SLC6A4: variants seen among roughly 807,000 people sequenced by gnomAD.
SLC6A4 encodes solute carrier family 6 member 4, also known as sodium-dependent serotonin transporter.
Under a neutral mutation model 73.4 loss-of-function variants are expected in SLC6A4, and 22 were observed. The observed-to-expected ratio is 0.30, with a 90% CI of 0.21 to 0.43. SLC6A4 has a LOEUF of 0.43. SLC6A4 is among the 20% of genes least tolerant of loss of function. The pLI, the probability that SLC6A4 is intolerant of heterozygous loss-of-function variation, is 1.00. For missense variants in SLC6A4, 593 were observed against 808.5 expected (o/e 0.73, Z 3.23); for synonymous variants, 270 against 315.5 (o/e 0.86, Z 1.53).
At chr17:30,229,350 C>T (rs1399375530) in intron 1 of SLC6A4, among the ~76,000 whole-genome samples, 1 of 152,074 alleles carries the variant, frequency 6.6e-6, no homozygotes, top group Non-Finnish European at 1.5e-5. Context: ...ACATCTGAAA[C>T]GAAAGCTGTA....
chr17:30,219,534 A>G (rs1906682286), intron 3 of SLC6A4, among the ~76,000 whole-genome samples: 1 of 152,204 alleles, frequency 6.6e-6, no homozygotes, highest in Admixed American at 6.5e-5. Context: ...AGTATTATCT[A>G]TGGCTCCAGA....
intron 3 of SLC6A4, 47 bp from the exon 4 acceptor site, chr17:30,218,978 A>G: frequency 6.2e-7 from 1 of 1,609,806 alleles, no homozygotes; most frequent in Admixed American, 1.7e-5. Context: ...CGTCTGTCCC[A>G]GGATAGCCCA....
intron 13 of SLC6A4, among the ~76,000 whole-genome samples, chr17:30,204,160 A>G (rs113342864): frequency 1.3e-5 from 2 of 152,310 alleles, no homozygotes; most frequent in African/African-American, 4.8e-5. Context: ...TCTTATTTCA[A>G]TTTGGTTTCC....
At position 30,209,202 on chromosome 17, in the gene SLC6A4, G is replaced by A. The variant is rs770596399; in HGVS notation, c.1490C>T (p.Thr497Met). Reference sequence around the variant, plus strand: ...CGCGACAGTGAGCACTGCGGGCCCCGTGGCATACTCCTCCAGCAGCTTCAC... The same window carrying A: ...CGCGACAGTGAGCACTGCGGGCCCCATGGCATACTCCTCCAGCAGCTTCAC... ...YVVKLLEEYA[T>M]GPAVLTVALI... Residue 497 changes from threonine (T) to methionine (M), a missense_variant, in exon 12 of 15, where the codon ACG becomes ATG. Coordinates refer to ENST00000650711, the MANE Select transcript of SLC6A4 (RefSeq NM_001045.6). 23 of 1,613,656 alleles carry A rather than the reference G, an allele frequency of 1.4e-5. No homozygotes were observed. Among genetic ancestry groups the A allele is most frequent in the Middle Eastern group, 3.3e-4 (2 of 6,018 alleles).
At chr17:30,229,704 C>T (rs1480740782) in intron 1 of SLC6A4, among the ~76,000 whole-genome samples, 3 of 151,826 alleles carry the variant, frequency 2.0e-5, no homozygotes, top group East Asian at 4.0e-4. Context: ...TGAGCCACTG[C>T]GCCTGGTCCA....
rs534245368 is a variant in SLC6A4, at chr17:30,235,170, G to C, written c.-221+443C>G. ...GCTGTCTGGGCATTTGTGTCAACCA[G>C]AACTCTCCCTTTGCATAAAGCCACC... On this transcript the variant is annotated intron_variant, in intron 1 of 14. Transcript: ENST00000650711. The surrounding 1 kb of genome is among the most constrained non-coding windows in gnomAD (Gnocchi z 4.5). 8.3e-4 allele frequency among the ~76,000 whole-genome samples: 126 copies of C among 152,218 alleles called. No homozygotes were observed. The highest frequency in any genetic ancestry group is 2.7e-3 in the African/African-American group (113 of 41,520).
At position 30,218,289 on chromosome 17, in the gene SLC6A4, T is replaced by C. The variant is rs1157064124; in HGVS notation, c.527A>G (p.Tyr176Cys). Residue 176 changes from tyrosine (Y) to cysteine (C), a missense_variant, in exon 5 of 15, where the codon TAC becomes TGC. By Grantham distance (194) the Tyr-to-Cys change is radical. Coordinates refer to ENST00000650711, the MANE Select transcript of SLC6A4 (RefSeq NM_001045.6). ...TAGCGCCCAGGCCATGATGGTGTTG[T>C]AGTAGGAAGCAATGTAAAAGGCAAT... ...CIIAFYIASYYNTIMAWALYY... is the reference protein window; with the variant it reads ...CIIAFYIASYCNTIMAWALYY... 1.2e-6 allele frequency: 2 copies of C among 1,613,980 alleles called. No individual in the cohort carries two copies. The highest frequency in any genetic ancestry group is 1.7e-6 in the Non-Finnish European group (2 of 1,179,968).
intron 8 of SLC6A4, among the ~76,000 whole-genome samples, chr17:30,213,421 G>A (rs888712512): frequency 2.7e-5 from 4 of 148,322 alleles, no homozygotes; most frequent in South Asian, 4.3e-4. Context: ...TCCTGCTTCC[G>A]CCTCCCAAGT....
chr17:30,224,521 C>T (rs1906872330), intron 1 of SLC6A4, among the ~76,000 whole-genome samples: 1 of 152,154 alleles, frequency 6.6e-6, no homozygotes, highest in Admixed American at 6.5e-5. Context: ...CCTGGCCTGG[C>T]CCCACAATTT....
Position 30,211,541 on chromosome 17 carries a change from G to A in SLC6A4, c.1205-117C>T. 1.4e-6 allele frequency: 1 copy of A among 700,192 alleles called. No individual in the cohort carries two copies. Among genetic ancestry groups the A allele is most frequent in the Non-Finnish European group, 2.6e-6 (1 of 385,864 alleles). The allele number at this position is 700,192 out of a possible 1,614,324, so 43.4% of individuals were successfully genotyped here. On this transcript the variant is annotated intron_variant, in intron 9 of 14. Coordinates refer to ENST00000650711, the MANE Select transcript of SLC6A4 (RefSeq NM_001045.6). The surrounding 1 kb of genome is among the most constrained non-coding windows in gnomAD (Gnocchi z 4.0). ...ATTCTCATCACAAGACCTTATGTGT[G>A]AATCAGGTTTTGACACACACCAAGT...
chr17:30,223,738 C>T (rs1026178000), intron 1 of SLC6A4, among the ~76,000 whole-genome samples: 2 of 152,080 alleles, frequency 1.3e-5, no homozygotes, highest in Non-Finnish European at 2.9e-5. Context: ...CTCCGCCACC[C>T]ACCCCAGGCT....
chr17:30,211,285 G>T lies in SLC6A4; in HGVS notation c.1317+27C>A. On this transcript the variant is annotated intron_variant, in intron 10 of 14. Coordinates refer to ENST00000650711, the MANE Select transcript of SLC6A4 (RefSeq NM_001045.6). This position sits in a 1 kb window ranked among gnomAD's most constrained non-coding sequence, Gnocchi z 4.0. ...CTCCTTTCCTCTTCATCCTCCCACA[G>T]CCCATTTCCCCTTCCCATTTCCTCA... The T allele has an allele frequency of 7.1e-7, 1 of 1,400,874 alleles. No individual in the cohort carries two copies. The highest frequency in any genetic ancestry group is 1.0e-6 in the Non-Finnish European group (1 of 987,992). 86.8% of individuals were successfully genotyped at this position (1,400,874 alleles called of 1,614,324 possible).
intron 13 of SLC6A4, among the ~76,000 whole-genome samples, chr17:30,204,910 G>GA (rs1169737935): frequency 6.6e-6 from 1 of 152,160 alleles, no homozygotes; most frequent in Non-Finnish European, 1.5e-5. Context: ...TGTGCATCAA[G>GA]AGTGTACCCA....
chr17:30,218,028 G>A (rs1253433722), intron 5 of SLC6A4, 90 bp downstream of exon 5: 3 of 953,330 alleles, frequency 3.1e-6, no homozygotes, highest in Non-Finnish European at 5.0e-6. Flanking sequence ...GGGGTGAGGA[G>A]CCCTTGGCCC....
chr17:30,213,386 T>G (rs569115407), intron 8 of SLC6A4, among the ~76,000 whole-genome samples: 1 of 145,964 alleles, frequency 6.9e-6, no homozygotes, highest in South Asian at 2.3e-4. Context: ...CACTGTACCC[T>G]CTGCCTCCCG....
intron 8 of SLC6A4, among the ~76,000 whole-genome samples, chr17:30,215,061 CTT>C (rs1215741999): frequency 8.9e-6 from 1 of 112,126 alleles, no homozygotes; most frequent in East Asian, 2.6e-4. Context: ...CTCTCTCTCT[CTT>C]TCTCTCTCTC....
chr17:30,204,704 C>A lies in SLC6A4; in HGVS notation c.1651-1365G>T, dbSNP rs1318511443. Among the ~76,000 whole-genome samples the A allele has an allele frequency of 2.0e-5, 3 of 151,978 alleles. No individual in the cohort carries two copies. In the East Asian group the frequency reaches 5.8e-4, roughly 29 times the overall value. On this transcript the variant is annotated intron_variant, in intron 13 of 14. Coordinates refer to ENST00000650711, the MANE Select transcript of SLC6A4 (RefSeq NM_001045.6). The stretch of plus-strand genomic sequence containing the variant: ...TTTTTAGTAAGCTACTTGTTGTTTA[C>A]CTAAAGCAGCCTTAAGAAGCCCAGA...
At chr17:30,204,061 G>A (rs1036613443) in intron 13 of SLC6A4, among the ~76,000 whole-genome samples, 4 of 152,216 alleles carry the variant, frequency 2.6e-5, no homozygotes, top group Non-Finnish European at 5.9e-5. Context: ...AAAAATAGCA[G>A]CTTAATACAC....
chr17:30,209,202 G>C lies in SLC6A4; in HGVS notation c.1490C>G (p.Thr497Arg). 6.2e-7 allele frequency: 1 copy of C among 1,613,656 alleles called. No homozygotes were observed. The highest frequency in any genetic ancestry group is 8.5e-7 in the Non-Finnish European group (1 of 1,179,752). The change falls in exon 12 of 15, where the codon ACG becomes AGG. Residue 497 changes from threonine (T) to arginine (R), a missense_variant. Thr to Arg is a moderately conservative substitution (Grantham distance 71, BLOSUM62 -1). Transcript: ENST00000650711. ...CGCGACAGTGAGCACTGCGGGCCCC[G>C]TGGCATACTCCTCCAGCAGCTTCAC... ...YVVKLLEEYATGPAVLTVALI... is the reference protein window; with the variant it reads ...YVVKLLEEYARGPAVLTVALI...
Sources: allele counts gnomAD v4.1 joint callset (sites outside exome capture counted in the v4.1 genomes callset), GRCh38; gene constraint gnomAD v4.1.1; non-coding constraint Gnocchi (gnomAD v3.1); transcripts MANE v1.5; gene names NCBI Gene and HGNC (gene_info 2026-07-23, HGNC 2026-07-21).